Variants in ADCY3 observed in about 807,000 individuals in gnomAD.
ADCY3 encodes the protein adenylate cyclase type 3.
ADCY3 carries 70 observed loss-of-function variants against 119.4 expected under a neutral mutation model. The observed-to-expected ratio is 0.59, with a 90% CI of 0.48 to 0.72. ADCY3 has a LOEUF of 0.72. Ranked by LOEUF, ADCY3 falls within the 30% of genes least tolerant of loss-of-function variation. The pLI, the probability that ADCY3 is intolerant of heterozygous loss-of-function variation, is 0.00. For missense variants in ADCY3, 1,238 were observed against 1,541.6 expected, an observed-to-expected ratio of 0.80 and a Z score of 3.30; for synonymous variants, 672 against 621.4, an observed-to-expected ratio of 1.08 and a Z score of -1.21.
intron 2 of ADCY3, among the ~76,000 whole-genome samples, chr2:24,880,076 G>T (rs553211614): frequency 6.6e-6 from 1 of 152,208 alleles, no homozygotes; most frequent in Admixed American, 6.5e-5. Context: ...TCCGAGCTGG[G>T]TATCTGCCAA....
At chr2:24,835,891 G>A (rs1007538005) in intron 9 of ADCY3, among the ~76,000 whole-genome samples, 1 of 150,478 alleles carries the variant, frequency 6.6e-6, no homozygotes, top group Admixed American at 6.6e-5. Flanking sequence ...AGCCAAGATC[G>A]CGCCACTGCA....
intron 16 of ADCY3, among the ~76,000 whole-genome samples, chr2:24,825,323 G>A (rs1002698971): frequency 5.2e-5 from 7 of 135,674 alleles, no homozygotes; most frequent in East Asian, 2.2e-4. Flanking sequence ...GGTTGAGTGC[G>A]GTGGTTGTGG....
chr2:24,824,586 A>G, intron 16 of ADCY3, 50 bp from the exon 17 acceptor site: 1 of 1,591,524 alleles, frequency 6.3e-7, no homozygotes, highest in South Asian at 1.1e-5. Flanking sequence ...GCCACTGGAT[A>G]GAAGGATGAA....
intron 3 of ADCY3, among the ~76,000 whole-genome samples, chr2:24,870,059 C>G (rs1452940242): frequency 6.6e-6 from 1 of 151,788 alleles, no homozygotes; most frequent in Non-Finnish European, 1.5e-5. Context: ...GCCTGTAACC[C>G]CAGCACTTTG....
intron 21 of ADCY3, 186 bp from the exon 22 acceptor site, chr2:24,820,300 T>TGGCG: frequency 7.7e-7 from 1 of 1,302,612 alleles, no homozygotes; most frequent in Non-Finnish European, 9.9e-7. Context: ...AGGAGAACCC[T>TGGCG]GGAGTGACTG....
chr2:24,844,929 C>T (rs926273864), intron 3 of ADCY3, among the ~76,000 whole-genome samples: 2 of 152,164 alleles, frequency 1.3e-5, no homozygotes, highest in Non-Finnish European at 2.9e-5. Context: ...AGTGGCCGGT[C>T]TTTTCTGTGC....
chr2:24,893,641 G>T (rs1465680256), intron 2 of ADCY3, among the ~76,000 whole-genome samples: 1 of 149,772 alleles, frequency 6.7e-6, no homozygotes, highest in Non-Finnish European at 1.5e-5. Context: ...GTCTCACTCT[G>T]TCGCCCAGGC....
chr2:24,880,103 T>C (rs1368753754), intron 2 of ADCY3, among the ~76,000 whole-genome samples: 1 of 152,208 alleles, frequency 6.6e-6, no homozygotes, highest in African/African-American at 2.4e-5. Flanking sequence ...ACCATGTGCC[T>C]CAAAACAAAG....
At chr2:24,837,131 C>T (rs554492963) in intron 8 of ADCY3, 86 bp from the exon 9 acceptor site, 8 of 1,462,356 alleles carry the variant, frequency 5.5e-6, no homozygotes, top group East Asian at 4.9e-5. Context: ...GCGTGGGAGG[C>T]GGTGGGATTA....
intron 3 of ADCY3, among the ~76,000 whole-genome samples, chr2:24,853,702 G>T (rs1339831727): frequency 6.6e-6 from 1 of 151,846 alleles, no homozygotes; most frequent in African/African-American, 2.4e-5. Flanking sequence ...CAGGTGATCT[G>T]CCCGAGATCC....
In ADCY3 at chr2:24,878,041, C is replaced by T. The variant is rs1675934903; in HGVS notation, c.676-5322G>A. 3.3e-5 allele frequency: 13 copies of T among 396,652 alleles called. No individual in the cohort carries two copies. Among genetic ancestry groups the T allele is most frequent in the South Asian group, 2.3e-4 (12 of 51,682 alleles). The allele number at this position is 396,652 out of a possible 1,614,324, so 24.6% of individuals were successfully genotyped here. On this transcript the variant is annotated intron_variant, in intron 2 of 21. Coordinates refer to ENST00000679454, the MANE Select transcript of ADCY3 (RefSeq NM_004036.5). The surrounding 1 kb of genome is among the most constrained non-coding windows in gnomAD (Gnocchi z 4.0). ...TCTGTGGTGACAGAGGTCCACAGCC[C>T]CTGGGGTCTCTATTTATAGATCTTT...
At chr2:24,858,666 A>T (rs1385410209) in intron 3 of ADCY3, among the ~76,000 whole-genome samples, 1 of 152,256 alleles carries the variant, frequency 6.6e-6, no homozygotes, top group Non-Finnish European at 1.5e-5. Context: ...CAATTCTACA[A>T]TTCTACAACT....
chr2:24,917,541 G>A (rs1037838702), intron 2 of ADCY3, among the ~76,000 whole-genome samples: 4 of 152,174 alleles, frequency 2.6e-5, no homozygotes, highest in Non-Finnish European at 5.9e-5. Context: ...CTGGCACTTG[G>A]TGGGAACACA....
intron 2 of ADCY3, among the ~76,000 whole-genome samples, chr2:24,911,604 A>C (rs1663656518): frequency 1.4e-5 from 2 of 140,460 alleles, no homozygotes; most frequent in Non-Finnish European, 3.0e-5. Flanking sequence ...GAGCCAAGAT[A>C]GCATCATTGC....
rs1213439012 is a variant in ADCY3, at chr2:24,898,569, A to T, written c.675+19744T>A. On this transcript the variant is annotated intron_variant, in intron 2 of 21. Transcript: ENST00000679454. This position sits in a 1 kb window ranked among gnomAD's most constrained non-coding sequence, Gnocchi z 4.3. ...CAGCCAGAGGAAATATCCTCCGAAG[A>T]TCTTCACTCTCAAATCAGCCTCTCA... is the stretch of plus-strand genomic sequence containing the variant. 6.6e-6 allele frequency among the ~76,000 whole-genome samples: 1 copy of T among 152,140 alleles called. No homozygotes were observed. The highest frequency in any genetic ancestry group is 2.4e-5 in the African/African-American group (1 of 41,414).
intron 11 of ADCY3, among the ~76,000 whole-genome samples, chr2:24,833,265 G>A (rs909460721): frequency 7.2e-5 from 11 of 152,244 alleles, no homozygotes; most frequent in South Asian, 4.1e-4. Flanking sequence ...GAGGCCCCAC[G>A]TCTGTGCTGG....
Position 24,830,748 on chromosome 2 carries a change from G to A in ADCY3, c.2133C>T (p.Leu711=), listed in dbSNP as rs371612204. 33 of 1,613,966 alleles carry A rather than the reference G, an allele frequency of 2.0e-5. No homozygotes were observed. The highest frequency in any genetic ancestry group is 2.6e-5 in the Non-Finnish European group (31 of 1,179,998). Residue 711 remains leucine, a synonymous_variant, in exon 13 of 22, where the codon CTC becomes CTT. Coordinates refer to ENST00000679454, the MANE Select transcript of ADCY3 (RefSeq NM_004036.5). ...TTGCCATCACCAGGATGAAGATGGC[G>A]AGCATGGCCCAGGTGTTCCTGGCCC... ...TRWARNTWAM[L]AIFILVMANV...
chr2:24,894,335 C>T (rs1678017402), intron 2 of ADCY3, among the ~76,000 whole-genome samples: 2 of 152,078 alleles, frequency 1.3e-5, no homozygotes, highest in Admixed American at 1.3e-4. Context: ...GTTAGCCAGA[C>T]ATGCTGTTAT....
chr2:24,825,332 GGCGGGGGGGGGGGGGGT>G (rs1233769640), intron 16 of ADCY3, among the ~76,000 whole-genome samples: 3 of 35,604 alleles, frequency 8.4e-5, no homozygotes, highest in African/African-American at 1.6e-4. Flanking sequence ...CGGTGGTTGT[GGCGGGGGGGGGGGGGGT>G]GCGGGGGGGG....
Sources: allele counts gnomAD v4.1 joint callset (sites outside exome capture counted in the v4.1 genomes callset), GRCh38; gene constraint gnomAD v4.1.1; non-coding constraint Gnocchi (gnomAD v3.1); transcripts MANE v1.5; gene names NCBI Gene and HGNC (gene_info 2026-07-23, HGNC 2026-07-21).